PRDM6: variants seen among roughly 807,000 people sequenced by gnomAD.
PRDM6 encodes the protein putative histone-lysine N-methyltransferase PRDM6.
A neutral mutation model predicts 60.8 loss-of-function variants in PRDM6; 25 were observed. That is an observed-to-expected ratio of 0.41 (90% CI 0.30 to 0.57). The LOEUF (loss-of-function observed/expected upper bound fraction) is 0.57. PRDM6 is among the 20% of genes least tolerant of loss of function. PRDM6 has a pLI of 0.27. For synonymous variants in PRDM6, 407 were observed against 357.4 expected, an observed-to-expected ratio of 1.14 and a Z score of -1.57; for missense variants, 839 against 821.3, an observed-to-expected ratio of 1.02 and a Z score of -0.26.
chr5:123,170,623 C>A, intron 5 of PRDM6, 143 bp from the exon 6 acceptor site: 1 of 660,420 alleles, frequency 1.5e-6, no homozygotes, highest in South Asian at 2.0e-5. Context: ...CCCCTCAAAT[C>A]AGATGGTTTG....
At chr5:123,134,483 T>C (rs1369887406) in intron 3 of PRDM6, among the ~76,000 whole-genome samples, 1 of 152,152 alleles carries the variant, frequency 6.6e-6, no homozygotes, top group Non-Finnish European at 1.5e-5. Context: ...TATGAATTGA[T>C]ATAAGAAGAT....
At chr5:123,090,879 TG>T (rs1253778719) in intron 2 of PRDM6, among the ~76,000 whole-genome samples, 1 of 152,174 alleles carries the variant, frequency 6.6e-6, no homozygotes, top group African/African-American at 2.4e-5. Context: ...CCCAAGTGTT[TG>T]GGGCCGGAGT....
intron 3 of PRDM6, among the ~76,000 whole-genome samples, chr5:123,134,125 G>C (rs1208307007): frequency 1.3e-5 from 2 of 152,052 alleles, no homozygotes; most frequent in African/African-American, 4.8e-5. Flanking sequence ...CTAATTGTTA[G>C]CCAAGTTGTA....
intron 3 of PRDM6, among the ~76,000 whole-genome samples, chr5:123,149,991 T>C (rs1213205040): frequency 6.6e-6 from 1 of 152,184 alleles, no homozygotes; most frequent in Non-Finnish European, 1.5e-5. Context: ...CTGCGCATAA[T>C]ATATTGTGGC....
At chr5:123,156,241 G>A (rs1009518006) in intron 4 of PRDM6, among the ~76,000 whole-genome samples, 5 of 152,016 alleles carry the variant, frequency 3.3e-5, no homozygotes, top group Non-Finnish European at 7.4e-5. Flanking sequence ...TTCACTCCGT[G>A]CACATGGTGA....
intron 5 of PRDM6, among the ~76,000 whole-genome samples, chr5:123,167,372 A>G (rs1162411130): frequency 6.6e-6 from 1 of 150,832 alleles, no homozygotes; most frequent in East Asian, 2.0e-4. Context: ...ACAATTTTTT[A>G]GAATTAATCA....
Position 123,189,991 on chromosome 5 carries a change from G to T in PRDM6, c.*2790G>T. On this transcript the variant is annotated 3_prime_UTR_variant, in exon 8 of 8. Transcript: ENST00000407847. ...GTCCCCTGGGATACAGCAAATGGGT[G>T]GTAGAAATTGCAGTCGTAAAATTTG... is the stretch of plus-strand genomic sequence containing the variant. 6.6e-6 allele frequency: 1 copy of T among 152,288 alleles called. No homozygotes were observed. 9.4% of individuals were successfully genotyped at this position (152,288 alleles called of 1,614,324 possible).
At chr5:123,125,737 T>G (rs2150220366) in intron 3 of PRDM6, among the ~76,000 whole-genome samples, 1 of 152,310 alleles carries the variant, frequency 6.6e-6, no homozygotes, top group South Asian at 2.1e-4. Flanking sequence ...AGGAGAGACT[T>G]GAAAAGTTGG....
In PRDM6 at chr5:123,119,472, G is replaced by A. The variant is rs768536173; in HGVS notation, c.900+19511G>A. ...CTTACAGTCCTGCCACCTTCAGGGCGGCTCTGTGGCTTCCTCAGCTGCAAC... is the reference window on the plus strand; with the variant it reads ...CTTACAGTCCTGCCACCTTCAGGGCAGCTCTGTGGCTTCCTCAGCTGCAAC... On this transcript the variant is annotated intron_variant, in intron 3 of 7. Transcript: ENST00000407847. 1.1e-4 allele frequency among the ~76,000 whole-genome samples: 16 copies of A among 151,912 alleles called. No homozygotes were observed. The South Asian group carries it at 1.7e-3, about 16-fold the overall frequency.
chr5:123,125,490 A>T (rs1402130243), intron 3 of PRDM6, among the ~76,000 whole-genome samples: 1 of 152,226 alleles, frequency 6.6e-6, no homozygotes, highest in East Asian at 1.9e-4. Flanking sequence ...TGCAGACATA[A>T]TTAGCCCTTT....
intron 3 of PRDM6, among the ~76,000 whole-genome samples, chr5:123,114,651 G>A (rs946635777): frequency 2.6e-5 from 4 of 152,190 alleles, no homozygotes; most frequent in Non-Finnish European, 4.4e-5. Flanking sequence ...GATCATTCAG[G>A]TTTAAGATTA....
intron 3 of PRDM6, among the ~76,000 whole-genome samples, chr5:123,115,654 A>G (rs903635506): frequency 1.3e-5 from 2 of 152,214 alleles, no homozygotes; most frequent in Non-Finnish European, 2.9e-5. Context: ...CTTTAAATTC[A>G]TAGATGAAAG....
At chr5:123,166,920 T>G (rs1765765567) in intron 5 of PRDM6, among the ~76,000 whole-genome samples, 1 of 152,258 alleles carries the variant, frequency 6.6e-6, no homozygotes, top group Admixed American at 6.5e-5. Flanking sequence ...TATTGCTTCT[T>G]GCAGAAACCA....
chr5:123,101,912 T>C (rs1391197428), intron 3 of PRDM6, among the ~76,000 whole-genome samples: 2 of 152,252 alleles, frequency 1.3e-5, no homozygotes, highest in Non-Finnish European at 2.9e-5. Context: ...TCAGTGTTTT[T>C]CTTTTTCTTG....
At position 123,099,579 on chromosome 5, in the gene PRDM6, T is replaced by G; in HGVS notation, c.593-75T>G. 1 of 1,335,732 alleles carries G rather than the reference T, an allele frequency of 7.5e-7. No individual in the cohort carries two copies. The highest frequency in any genetic ancestry group is 9.8e-7 in the Non-Finnish European group (1 of 1,016,290). 82.7% of individuals were successfully genotyped at this position (1,335,732 alleles called of 1,614,324 possible). ...GGCGGTGATGCTGTTGTCTCGGGAG[T>G]TTACTCAAAGATGGGCCGCTCGGGG... On this transcript the variant is annotated intron_variant, in intron 2 of 7. Coordinates refer to ENST00000407847, the MANE Select transcript of PRDM6 (RefSeq NM_001136239.4). This position sits in a 1 kb window ranked among gnomAD's most constrained non-coding sequence, Gnocchi z 4.0.
intron 3 of PRDM6, among the ~76,000 whole-genome samples, chr5:123,130,402 G>A (rs959882121): frequency 5.1e-5 from 7 of 137,176 alleles, no homozygotes; most frequent in African/African-American, 1.9e-4. Flanking sequence ...TTTCTCAACA[G>A]CAGTTAGCCC....
chr5:123,147,825 G>T (rs1765281185), intron 3 of PRDM6, among the ~76,000 whole-genome samples: 1 of 152,232 alleles, frequency 6.6e-6, no homozygotes, highest in Admixed American at 6.5e-5. Flanking sequence ...GAGCATGCCT[G>T]AAGAAGACTC....
chr5:123,115,962 A>G (rs924948294), intron 3 of PRDM6, among the ~76,000 whole-genome samples: 5 of 152,222 alleles, frequency 3.3e-5, no homozygotes, highest in Non-Finnish European at 7.3e-5. Flanking sequence ...AACTCCCTCT[A>G]TACTAACAAC....
At chr5:123,105,989 T>C (rs939902162) in intron 3 of PRDM6, among the ~76,000 whole-genome samples, 1 of 152,214 alleles carries the variant, frequency 6.6e-6, no homozygotes, top group Non-Finnish European at 1.5e-5. Context: ...ATTTACTCAC[T>C]GTAATAAGGG....
Sources: allele counts gnomAD v4.1 joint callset (sites outside exome capture counted in the v4.1 genomes callset), GRCh38; gene constraint gnomAD v4.1.1; non-coding constraint Gnocchi (gnomAD v3.1); transcripts MANE v1.5; gene names NCBI Gene and HGNC (gene_info 2026-07-23, HGNC 2026-07-21).